SIK3: variants seen among roughly 807,000 people sequenced by gnomAD.
The protein encoded by SIK3 is serine/threonine-protein kinase SIK3.
SIK3 carries 28 observed loss-of-function variants against 144.2 expected under a neutral mutation model. The ratio of observed to expected loss-of-function variants is 0.19; its 90% CI spans 0.14 to 0.27. The LOEUF is 0.27. Ranked by LOEUF, SIK3 falls within the 10% of genes least tolerant of loss-of-function variation. SIK3 has a pLI of 1.00. For missense variants in SIK3, 1,319 were observed against 1,776.0 expected (o/e 0.74, Z 4.62); for synonymous variants, 686 against 676.3 (o/e 1.01, Z -0.22).
At chr11:116,876,855 A>T in intron 7 of SIK3, 69 bp downstream of exon 7, 1 of 1,280,778 alleles carries the variant, frequency 7.8e-7, no homozygotes, top group Non-Finnish European at 1.1e-6. Flanking sequence ...TGGCCTGATT[A>T]CAATCACATG....
In SIK3 at chr11:116,846,455, T is replaced by TTC. The variant is rs868396021; in HGVS notation, c.4050_4051insGA (p.Ile1351GlufsTer33). 3.1e-6 allele frequency: 5 copies of TTC among 1,614,232 alleles called. No individual in the cohort carries two copies. The highest frequency in any genetic ancestry group is 4.2e-6 in the Non-Finnish European group (5 of 1,180,036). On this transcript the variant is annotated frameshift_variant, in exon 24 of 25. Coordinates refer to ENST00000445177, the MANE Select transcript of SIK3 (RefSeq NM_001366686.3). LOFTEE classifies it high-confidence loss of function. This position sits in a 1 kb window ranked among gnomAD's most constrained non-coding sequence, Gnocchi z 4.1. Reference sequence around the variant, plus strand: ...TCGGGGTGCTTGTAGCTGAGCAGAATGTCTGTAATACACGTAGATGGATAG... The same window carrying TTC: ...TCGGGGTGCTTGTAGCTGAGCAGAATTCGTCTGTAATACACGTAGATGGATAG...
At chr11:117,053,899 G>T (rs971373326) in intron 1 of SIK3, among the ~76,000 whole-genome samples, 1 of 151,836 alleles carries the variant, frequency 6.6e-6, no homozygotes, top group Non-Finnish European at 1.5e-5. Flanking sequence ...CTCCCTACTT[G>T]GCCTTCCAAA....
At chr11:116,990,557 A>T (rs540705119) in intron 1 of SIK3, among the ~76,000 whole-genome samples, 1 of 152,336 alleles carries the variant, frequency 6.6e-6, no homozygotes, top group East Asian at 1.9e-4. Flanking sequence ...TTTTTAAAAA[A>T]AGAAAACATT....
chr11:117,098,080 G>T (rs888094696), intron 1 of SIK3, 63 bp downstream of exon 1: 12 of 1,259,860 alleles, frequency 9.5e-6, no homozygotes, highest in Non-Finnish European at 1.2e-5. Context: ...CCCCCGGCTG[G>T]GGGGCGCGGA....
chr11:117,052,746 C>T (rs1422655633), intron 1 of SIK3, among the ~76,000 whole-genome samples: 1 of 152,214 alleles, frequency 6.6e-6, no homozygotes, highest in African/African-American at 2.4e-5. Flanking sequence ...CAGTTACAAT[C>T]TACCTATTGC....
chr11:116,889,265 TAAAAG>T (rs377059767), intron 6 of SIK3, among the ~76,000 whole-genome samples: 1 of 152,296 alleles, frequency 6.6e-6, no homozygotes, highest in African/African-American at 2.4e-5. Flanking sequence ...TTAGATTAAG[TAAAAG>T]AAAATAATTT....
intron 6 of SIK3, among the ~76,000 whole-genome samples, chr11:116,878,480 C>T (rs1019895499): frequency 9.2e-5 from 14 of 151,756 alleles, no homozygotes; most frequent in Non-Finnish European, 1.5e-4. Flanking sequence ...CCTGGGTTCA[C>T]GTGATTCTCC....
At chr11:116,962,266 A>G (rs1335817156) in intron 1 of SIK3, among the ~76,000 whole-genome samples, 1 of 152,228 alleles carries the variant, frequency 6.6e-6, no homozygotes, top group Non-Finnish European at 1.5e-5. Context: ...ACAAATGGAC[A>G]GTTCAAGAAA....
chr11:117,095,306 T>A (rs1034355899), intron 1 of SIK3, among the ~76,000 whole-genome samples: 1 of 151,928 alleles, frequency 6.6e-6, no homozygotes, highest in Non-Finnish European at 1.5e-5. Flanking sequence ...ATTACCTCTG[T>A]CTGACTGTTA....
rs866581917 is a variant in SIK3, at chr11:116,876,081, T to C, written c.1096-72A>G. 1.9e-6 allele frequency: 3 copies of C among 1,580,658 alleles called. No individual in the cohort carries two copies. The South Asian group carries it at 3.4e-5, about 18-fold the overall frequency. On this transcript the variant is annotated intron_variant, in intron 8 of 24. Transcript: ENST00000445177. ...ATGTTGATGACCAGAACCCTTTCAG[T>C]AATAACATTAGCCAAAGCACCTTCT...
intron 14 of SIK3, 65 bp from the exon 15 acceptor site, chr11:116,868,154 C>T: frequency 2.6e-6 from 4 of 1,542,978 alleles, no homozygotes; most frequent in Non-Finnish European, 2.6e-6. Context: ...CCACAAGAAG[C>T]ATTAGAAGTT....
chr11:116,900,858 A>T lies in SIK3; in HGVS notation c.617-3541T>A, dbSNP rs541129287. 9.4e-5 allele frequency among the ~76,000 whole-genome samples: 14 copies of T among 148,782 alleles called. No homozygotes were observed. In the East Asian group the frequency reaches 2.7e-3, roughly 29 times the overall value. On this transcript the variant is annotated intron_variant, in intron 4 of 24. Coordinates refer to ENST00000445177, the MANE Select transcript of SIK3 (RefSeq NM_001366686.3). ...TTCTGTCATATACATATACATATAT[A>T]TTATTTATTTTTTTTTTTTTTTTGA... is the stretch of plus-strand genomic sequence containing the variant.
At chr11:116,862,020 T>C in intron 17 of SIK3, 94 bp from the exon 18 acceptor site, 1 of 1,238,614 alleles carries the variant, frequency 8.1e-7, no homozygotes, top group Non-Finnish European at 1.2e-6. Context: ...AAGAACTATC[T>C]GTGTCTCAGA....
At chr11:117,072,799 C>T (rs1179571704) in intron 1 of SIK3, among the ~76,000 whole-genome samples, 1 of 152,194 alleles carries the variant, frequency 6.6e-6, no homozygotes, top group Non-Finnish European at 1.5e-5. Flanking sequence ...ATGTCAACCT[C>T]TCATACTAAC....
intron 1 of SIK3, among the ~76,000 whole-genome samples, chr11:117,061,571 C>T (rs1013290474): frequency 3.3e-5 from 5 of 152,120 alleles, no homozygotes; most frequent in African/African-American, 9.7e-5. Flanking sequence ...AAATTAAGTA[C>T]TCAATAAATC....
intron 1 of SIK3, among the ~76,000 whole-genome samples, chr11:117,049,625 C>T (rs898408363): frequency 7.2e-5 from 11 of 152,016 alleles, no homozygotes; most frequent in Admixed American, 7.2e-4. Flanking sequence ...AAGAAAAAAA[C>T]CTTTTTTACC....
rs556595575 is a variant in SIK3, at chr11:116,845,034, G to T, written c.*609C>A. On this transcript the variant is annotated 3_prime_UTR_variant, in exon 25 of 25. Coordinates refer to ENST00000445177, the MANE Select transcript of SIK3 (RefSeq NM_001366686.3). The stretch of plus-strand genomic sequence containing the variant: ...ACCTCTCTGCGTTCCAGGCTTGGGG[G>T]TTTCTCTTTTTTTGTTCTTTTTGTT... 1.8e-4 allele frequency: 28 copies of T among 152,224 alleles called. No homozygotes were observed. Among genetic ancestry groups the T allele is most frequent in the Admixed American group, 1.8e-3 (27 of 15,278 alleles). The allele number at this position is 152,224 out of a possible 1,614,324, so 9.4% of individuals were successfully genotyped here.
At chr11:117,019,821 C>T (rs1951693564) in intron 1 of SIK3, among the ~76,000 whole-genome samples, 1 of 151,672 alleles carries the variant, frequency 6.6e-6, no homozygotes, top group Non-Finnish European at 1.5e-5. Context: ...CACCGTGAAT[C>T]CAGGAGGCGG....
intron 1 of SIK3, among the ~76,000 whole-genome samples, chr11:117,091,086 A>C (rs61903421): frequency 6.6e-6 from 1 of 151,952 alleles, no homozygotes; most frequent in African/African-American, 2.4e-5. Context: ...TCCCCCACTA[A>C]CTACCTATAA....
Sources: gnomAD v4.1 joint callset for allele counts (sites outside exome capture counted in the v4.1 genomes callset) on GRCh38, gnomAD v4.1.1 for gene constraint, Gnocchi (gnomAD v3.1) non-coding constraint, MANE v1.5 for transcripts, NCBI Gene and HGNC (gene_info 2026-07-23, HGNC 2026-07-21) for gene names.